The following ALCAM variants were observed in gnomAD, a reference collection of about 807,000 sequenced individuals.
ALCAM encodes CD166 antigen.
ALCAM carries 30 observed loss-of-function variants against 70.9 expected under a neutral mutation model. The observed-to-expected ratio is 0.42, with a 90% CI of 0.32 to 0.57. The LOEUF (loss-of-function observed/expected upper bound fraction) is 0.57, where lower values mean the gene tolerates loss of function less well. ALCAM is among the 20% of genes least tolerant of loss of function. The probability of loss-of-function intolerance (pLI) is 0.11; values close to 1 mark genes in which losing one functional copy is unlikely to be tolerated. For missense variants in ALCAM, 591 were observed against 695.1 expected, an observed-to-expected ratio of 0.85 and a Z score of 1.68; for synonymous variants, 249 against 242.5, an observed-to-expected ratio of 1.03 and a Z score of -0.25.
intron 1 of ALCAM, among the ~76,000 whole-genome samples, chr3:105,375,335 G>T (rs1055267691): frequency 6.6e-6 from 1 of 152,122 alleles, no homozygotes; most frequent in African/African-American, 2.4e-5. Flanking sequence ...ACAATAATTT[G>T]TAACTTGTCT....
chr3:105,567,810 A>G (rs1025366568), intron 14 of ALCAM, among the ~76,000 whole-genome samples: 3 of 152,142 alleles, frequency 2.0e-5, no homozygotes, highest in African/African-American at 2.4e-5. Flanking sequence ...ACATTTTTCT[A>G]TTCAGTGTAT....
Position 105,541,677 on chromosome 3 carries a change from G to C in ALCAM, c.903G>C (p.Thr301=). 3.1e-6 allele frequency: 5 copies of C among 1,612,132 alleles called. No individual in the cohort carries two copies. Among genetic ancestry groups the C allele is most frequent in the Non-Finnish European group, 4.2e-6 (5 of 1,178,790 alleles). ...GAAGCTCAAATACTTACACACTGAC[G>C]GATGTGAGGCGCAATGCAACAGGAG... The part of the protein sequence containing the change: ...GIRSSNTYTL[T]DVRRNATGDY... Residue 301 remains threonine (T), a synonymous_variant, in exon 8 of 16, where the codon ACG becomes ACC. Transcript: ENST00000306107.
chr3:105,387,751 A>G (rs892825908), intron 1 of ALCAM, among the ~76,000 whole-genome samples: 17 of 151,432 alleles, frequency 1.1e-4, no homozygotes, highest in Non-Finnish European at 1.9e-4. Context: ...CTGGAGAAGA[A>G]AACAGGAGAC....
intron 1 of ALCAM, among the ~76,000 whole-genome samples, chr3:105,391,727 T>C (rs1446573206): frequency 2.6e-5 from 4 of 152,112 alleles, no homozygotes; most frequent in Admixed American, 2.6e-4. Context: ...TATGGGTTTG[T>C]GATAAATGGC....
In ALCAM at chr3:105,377,944, C is replaced by G. The variant is rs149125263; in HGVS notation, c.73+10463C>G. Among the ~76,000 whole-genome samples the G allele has an allele frequency of 3.6e-4, 55 of 151,908 alleles. No homozygotes were observed. The East Asian group carries it at 0.01, about 28-fold the overall frequency. The stretch of plus-strand genomic sequence containing the variant: ...GTCTGACTAATGCCACTTTGTAAAC[C>G]CTGTATAATAGTCATTACTAAACAA... On this transcript the variant is annotated intron_variant, in intron 1 of 15. Transcript: ENST00000306107.
At chr3:105,474,871 A>G (rs1051519581) in intron 1 of ALCAM, among the ~76,000 whole-genome samples, 1 of 151,764 alleles carries the variant, frequency 6.6e-6, no homozygotes, top group Non-Finnish European at 1.5e-5. Flanking sequence ...AAAATGCTTT[A>G]CTGGTTCCAG....
chr3:105,513,734 T>C (rs927677912), intron 1 of ALCAM, among the ~76,000 whole-genome samples: 7 of 151,956 alleles, frequency 4.6e-5, no homozygotes, highest in African/African-American at 1.4e-4. Context: ...TTGCTTATAA[T>C]TTAAAAATGG....
intron 1 of ALCAM, among the ~76,000 whole-genome samples, chr3:105,463,558 A>T (rs1937635144): frequency 6.6e-6 from 1 of 151,466 alleles, no homozygotes; most frequent in Admixed American, 6.6e-5. Flanking sequence ...GCAATTTACA[A>T]GAATTGGGAA....
intron 3 of ALCAM, among the ~76,000 whole-genome samples, chr3:105,529,097 CT>C (rs1939775672): frequency 1.3e-5 from 2 of 152,144 alleles, no homozygotes; most frequent in African/African-American, 2.4e-5. Flanking sequence ...TAATTTTAAG[CT>C]ACCATAGTGT....
chr3:105,416,310 ACACTC>A (rs1936506594), intron 1 of ALCAM, among the ~76,000 whole-genome samples: 1 of 151,918 alleles, frequency 6.6e-6, no homozygotes, highest in Admixed American at 6.6e-5. Flanking sequence ...TATCTCCTTA[ACACTC>A]TTTTAATACA....
chr3:105,535,397 G>C (rs890338640), intron 6 of ALCAM, among the ~76,000 whole-genome samples: 2 of 152,078 alleles, frequency 1.3e-5, no homozygotes, highest in Admixed American at 6.6e-5. Flanking sequence ...GTAGATATTA[G>C]AATAGAATCT....
intron 6 of ALCAM, among the ~76,000 whole-genome samples, chr3:105,539,259 G>C (rs1411560403): frequency 6.6e-6 from 1 of 152,066 alleles, no homozygotes; most frequent in Non-Finnish European, 1.5e-5. Context: ...GCTAGATATG[G>C]TTCACTGTAT....
At chr3:105,486,755 A>G (rs1160088565) in intron 1 of ALCAM, among the ~76,000 whole-genome samples, 4 of 152,138 alleles carry the variant, frequency 2.6e-5, no homozygotes, top group African/African-American at 9.6e-5. Flanking sequence ...TAACCAATCC[A>G]AATATATTCA....
chr3:105,375,987 C>T (rs1935365746), intron 1 of ALCAM, among the ~76,000 whole-genome samples: 5 of 152,054 alleles, frequency 3.3e-5, no homozygotes, highest in Admixed American at 3.3e-4. Flanking sequence ...TTTTGAGAGG[C>T]TCAAGCAGTG....
intron 1 of ALCAM, among the ~76,000 whole-genome samples, chr3:105,416,439 C>G (rs1936509989): frequency 6.6e-6 from 1 of 151,882 alleles, no homozygotes; most frequent in African/African-American, 2.4e-5. Flanking sequence ...ATAATTGCTT[C>G]AGAGCATTGT....
chr3:105,458,975 A>G (rs1033395633), intron 1 of ALCAM, among the ~76,000 whole-genome samples: 2 of 152,284 alleles, frequency 1.3e-5, no homozygotes, highest in Non-Finnish European at 2.9e-5. Context: ...CTTGGAATAA[A>G]AGCCAAATTC....
chr3:105,552,695 G>A, intron 14 of ALCAM, 110 bp downstream of exon 14: 1 of 1,562,628 alleles, frequency 6.4e-7, no homozygotes, highest in Non-Finnish European at 8.7e-7. Context: ...CAATAAGGAA[G>A]ATGTATCCCC....
intron 14 of ALCAM, among the ~76,000 whole-genome samples, chr3:105,553,611 T>C (rs1940459687): frequency 6.6e-6 from 1 of 151,838 alleles, no homozygotes; most frequent in Non-Finnish European, 1.5e-5. Context: ...AAGATGCCAG[T>C]TCCAATGAAG....
At chr3:105,467,123 A>G (rs1465832204) in intron 1 of ALCAM, among the ~76,000 whole-genome samples, 1 of 151,378 alleles carries the variant, frequency 6.6e-6, no homozygotes, top group Admixed American at 6.6e-5. Flanking sequence ...AGTATAATAC[A>G]TATTCAGGAC....
Sources: gnomAD v4.1 joint callset for allele counts (sites outside exome capture counted in the v4.1 genomes callset) on GRCh38, gnomAD v4.1.1 for gene constraint, MANE v1.5 for transcripts, NCBI Gene and HGNC (gene_info 2026-07-23, HGNC 2026-07-21) for gene names.